Variants in ADGRB3 observed in about 807,000 individuals in gnomAD.
The protein encoded by ADGRB3 is adhesion G protein-coupled receptor B3.
Under a neutral mutation model 193.4 loss-of-function variants are expected in ADGRB3, and 37 were observed. That is an observed-to-expected ratio of 0.19 (90% CI 0.15 to 0.25). ADGRB3 has a LOEUF of 0.25. ADGRB3 is among the 10% of genes least tolerant of loss of function. ADGRB3 has a pLI of 1.00. For missense variants in ADGRB3, 1,637 were observed against 1,852.9 expected (o/e 0.88, Z 2.14); for synonymous variants, 690 against 644.2 (o/e 1.07, Z -1.08).
intron 5 of ADGRB3, among the ~76,000 whole-genome samples, chr6:68,938,447 T>G (rs889994143): frequency 1.0e-3 from 8 of 7,742 alleles, no homozygotes; most frequent in Admixed American, 3.3e-3. Flanking sequence ...GAGGTATATA[T>G]ATATATATAT....
intron 3 of ADGRB3, among the ~76,000 whole-genome samples, chr6:68,824,947 G>A (rs959141871): frequency 2.0e-5 from 3 of 151,908 alleles, no homozygotes; most frequent in Non-Finnish European, 2.9e-5. Context: ...TCCGCCTCCC[G>A]GGTTCAAAGA....
In ADGRB3 at chr6:69,281,556, AG is replaced by A. The variant is rs201675543; in HGVS notation, c.2814+42333del. Among the ~76,000 whole-genome samples, 1,468 of 152,312 alleles carry A rather than the reference AG, an allele frequency of 9.6e-3. 13 individuals are homozygous for A. Among genetic ancestry groups the A allele is most frequent in the Non-Finnish European group, 0.014 (950 of 68,026 alleles). ...AGAGGCCTGGCTCTGGTGGATCAGGAGGGTCTAAGCTTTTAGCCCATCTGCA... is the reference window on the plus strand; with the variant it reads ...AGAGGCCTGGCTCTGGTGGATCAGGAGGTCTAAGCTTTTAGCCCATCTGCA... On this transcript the variant is annotated intron_variant, in intron 20 of 31. Transcript: ENST00000370598.
At chr6:69,346,275 G>A (rs990970647) in intron 26 of ADGRB3, among the ~76,000 whole-genome samples, 4 of 152,174 alleles carry the variant, frequency 2.6e-5, no homozygotes, top group Non-Finnish European at 5.9e-5. Flanking sequence ...AGCCTGTATA[G>A]CCAAGACAAT....
chr6:68,752,269 A>C (rs756294494), intron 3 of ADGRB3, among the ~76,000 whole-genome samples: 2 of 149,186 alleles, frequency 1.3e-5, no homozygotes, highest in African/African-American at 2.5e-5. Flanking sequence ...GTTGTGGCAG[A>C]ATATTCTTTT....
At chr6:68,749,062 G>A (rs935890087) in intron 3 of ADGRB3, among the ~76,000 whole-genome samples, 1 of 152,140 alleles carries the variant, frequency 6.6e-6, no homozygotes, top group Non-Finnish European at 1.5e-5. Flanking sequence ...ACAGCACAGG[G>A]ACCCTGGGCC....
chr6:69,351,908 T>C (rs900884482), intron 26 of ADGRB3, among the ~76,000 whole-genome samples: 1 of 152,220 alleles, frequency 6.6e-6, no homozygotes, highest in Non-Finnish European at 1.5e-5. Context: ...TGCCAAAATA[T>C]TTCTCATTTT....
At chr6:68,661,520 C>CATATATATATGTGTGTATACAT (rs1768649248) in intron 3 of ADGRB3, among the ~76,000 whole-genome samples, 1 of 82,846 alleles carries the variant, frequency 1.2e-5, no homozygotes, top group African/African-American at 3.9e-5. Context: ...TGTGTGTATA[C>CATATATATATGTGTGTATACAT]ATATATATAT....
chr6:69,148,154 T>TA (rs1398456229), intron 17 of ADGRB3, among the ~76,000 whole-genome samples: 1 of 151,846 alleles, frequency 6.6e-6, no homozygotes, highest in Non-Finnish European at 1.5e-5. Flanking sequence ...AGTAAGGACT[T>TA]ACTCCTGCTA....
chr6:69,327,715 T>C (rs1768610048), intron 21 of ADGRB3, 105 bp from the exon 22 acceptor site: 4 of 791,048 alleles, frequency 5.1e-6, no homozygotes, highest in Non-Finnish European at 7.7e-6. Context: ...CATCCAAAGA[T>C]AGTTTATCTA....
intron 17 of ADGRB3, among the ~76,000 whole-genome samples, chr6:69,110,531 TATAGAA>T (rs1332782477): frequency 6.6e-6 from 1 of 152,210 alleles, no homozygotes; most frequent in Non-Finnish European, 1.5e-5. Context: ...CATTAATTGT[TATAGAA>T]TTTATTTGGA....
intron 6 of ADGRB3, among the ~76,000 whole-genome samples, chr6:68,952,730 C>T (rs1035078171): frequency 6.6e-6 from 1 of 152,138 alleles, no homozygotes; most frequent in East Asian, 1.9e-4. Flanking sequence ...AAAATAAAAT[C>T]GCAAAAAATG....
At chr6:69,336,741 T>G (rs1768858597) in intron 24 of ADGRB3, among the ~76,000 whole-genome samples, 1 of 152,100 alleles carries the variant, frequency 6.6e-6, no homozygotes, top group South Asian at 2.1e-4. Flanking sequence ...ATTTTATAAA[T>G]GAATAATTTC....
chr6:68,891,267 A>G (rs1582289229), intron 3 of ADGRB3, among the ~76,000 whole-genome samples: 1 of 152,282 alleles, frequency 6.6e-6, no homozygotes, highest in Non-Finnish European at 1.5e-5. Context: ...ACACGTGGGA[A>G]TTATGGGAGC....
intron 3 of ADGRB3, among the ~76,000 whole-genome samples, chr6:68,795,287 G>A (rs1163279948): frequency 3.3e-5 from 5 of 151,754 alleles, no homozygotes; most frequent in Non-Finnish European, 7.4e-5. Context: ...AGAAAAAATA[G>A]AAAATTAAAG....
chr6:68,956,852 C>T (rs755123938), intron 8 of ADGRB3, 43 bp downstream of exon 8: 9 of 1,513,200 alleles, frequency 5.9e-6, no homozygotes, highest in East Asian at 2.4e-5. Context: ...CATTTCATAA[C>T]GTGAAAAAAA....
At chr6:69,172,058 G>GT (rs905539974) in intron 17 of ADGRB3, among the ~76,000 whole-genome samples, 12 of 152,178 alleles carry the variant, frequency 7.9e-5, no homozygotes, top group African/African-American at 2.7e-4. Flanking sequence ...CAACTTTGTA[G>GT]TTGGAGGTTG....
chr6:68,812,070 A>C (rs1325144613), intron 3 of ADGRB3, among the ~76,000 whole-genome samples: 4 of 152,192 alleles, frequency 2.6e-5, no homozygotes, highest in African/African-American at 9.6e-5. Flanking sequence ...AGGGTCACAG[A>C]GGTGCAAAGA....
intron 20 of ADGRB3, among the ~76,000 whole-genome samples, chr6:69,301,919 A>C (rs372743199): frequency 1.3e-5 from 2 of 152,014 alleles, no homozygotes; most frequent in African/African-American, 4.8e-5. Context: ...ATTGTATGAC[A>C]ACTAAAAGCA....
At chr6:68,922,899 C>A (rs1198290244) in intron 3 of ADGRB3, among the ~76,000 whole-genome samples, 2 of 151,996 alleles carry the variant, frequency 1.3e-5, no homozygotes, top group Non-Finnish European at 2.9e-5. Flanking sequence ...AGTATAATAA[C>A]GACTGATGAA....
Sources: allele counts gnomAD v4.1 joint callset (sites outside exome capture counted in the v4.1 genomes callset), GRCh38; gene constraint gnomAD v4.1.1; transcripts MANE v1.5; gene names NCBI Gene and HGNC (gene_info 2026-07-23, HGNC 2026-07-21).